Variants in ITPR1 observed in about 807,000 individuals in gnomAD.
ITPR1 encodes inositol 1,4,5-trisphosphate-gated calcium channel ITPR1.
ITPR1 carries 96 observed loss-of-function variants against 318.4 expected under a neutral mutation model. That is an observed-to-expected ratio of 0.30 (90% CI 0.26 to 0.36). The LOEUF is 0.36. Among genes scored for constraint, ITPR1 ranks in the 10% least tolerant of loss-of-function variants. The probability of loss-of-function intolerance (pLI) is 1.00; values close to 1 mark genes in which losing one functional copy is unlikely to be tolerated. For missense variants in ITPR1, 2,440 were observed against 3,460.2 expected, an observed-to-expected ratio of 0.71 and a Z score of 7.40; for synonymous variants, 1,312 against 1,289.9, an observed-to-expected ratio of 1.02 and a Z score of -0.37.
chr3:4,733,146 G>T lies in ITPR1; in HGVS notation c.5279G>T (p.Gly1760Val). The T allele has an allele frequency of 6.2e-7, 1 of 1,613,960 alleles. No homozygotes were observed. Among genetic ancestry groups the T allele is most frequent in the Non-Finnish European group, 8.5e-7 (1 of 1,179,876 alleles). ...NRYYGNVRPS[G>V]RRESLTSFGN... is the part of the protein sequence containing the mutation. ...TACTATGGAAACGTCAGACCTTCGGGACGAAGAGAGAGCCTTACCAGCTTT... is the reference window on the plus strand; with the variant it reads ...TACTATGGAAACGTCAGACCTTCGGTACGAAGAGAGAGCCTTACCAGCTTT... The change falls in exon 43 of 62, where the codon GGA becomes GTA. Residue 1760 changes from glycine (G) to valine (V), a missense_variant. Coordinates refer to ENST00000649015, the MANE Select transcript of ITPR1 (RefSeq NM_001378452.1).
At position 4,846,368 on chromosome 3, in the gene ITPR1, T is replaced by C. The variant is rs2051781543; in HGVS notation, c.*143T>C. On this transcript the variant is annotated 3_prime_UTR_variant, in exon 62 of 62. Transcript: ENST00000649015. ...TCAGTTTTATACTGTATGTATATGA[T>C]TGCTACTCTAAAGGTTTGGATATAT... 2 of 469,852 alleles carry C rather than the reference T, an allele frequency of 4.3e-6. No homozygotes were observed. The highest frequency in any genetic ancestry group is 7.5e-6 in the Non-Finnish European group (2 of 265,644). The allele number at this position is 469,852 out of a possible 1,614,324, so 29.1% of individuals were successfully genotyped here.
chr3:4,597,046 T>C (rs1392916989), intron 4 of ITPR1, among the ~76,000 whole-genome samples: 1 of 152,228 alleles, frequency 6.6e-6, no homozygotes, highest in African/African-American at 2.4e-5. Context: ...GAAAAGGAAC[T>C]ATGTGGCCTG....
At position 4,688,497 on chromosome 3, in the gene ITPR1, C is replaced by T. The variant is rs34635052; in HGVS notation, c.3705C>T (p.Ala1235=). 7.7e-4 allele frequency: 1,243 copies of T among 1,613,818 alleles called. 2 individuals carry two copies. Among genetic ancestry groups the T allele is most frequent in the African/African-American group, 6.3e-3 (476 of 75,010 alleles). Residue 1235 remains alanine, a splice_region_variant and synonymous_variant, in exon 31 of 62, where the codon GCC becomes GCT. Coordinates refer to ENST00000649015, the MANE Select transcript of ITPR1 (RefSeq NM_001378452.1). ...TTCATCTGTCTCCTCCCACACAGGC[C>T]GAAGATACCAAGATGCAAGAGATAA... ...LELLQIPYEK[A]EDTKMQEIMR...
chr3:4,766,269 C>A (rs1181346398), intron 44 of ITPR1, among the ~76,000 whole-genome samples: 1 of 152,164 alleles, frequency 6.6e-6, no homozygotes, highest in Non-Finnish European at 1.5e-5. Context: ...AACAGTCTGC[C>A]CACCACACTC....
chr3:4,626,391 C>T (rs2092829161), intron 4 of ITPR1, among the ~76,000 whole-genome samples: 1 of 152,082 alleles, frequency 6.6e-6, no homozygotes, highest in Non-Finnish European at 1.5e-5. Flanking sequence ...TAATGTTCAT[C>T]ATTAAAAACA....
chr3:4,794,566 G>A (rs973431921), intron 52 of ITPR1, among the ~76,000 whole-genome samples: 24 of 152,236 alleles, frequency 1.6e-4, no homozygotes, highest in African/African-American at 5.8e-4. Flanking sequence ...AGAGAGGAAT[G>A]TGGAAATGAT....
intron 33 of ITPR1, among the ~76,000 whole-genome samples, chr3:4,695,741 T>C (rs1045787805): frequency 2.6e-5 from 4 of 152,268 alleles, no homozygotes; most frequent in African/African-American, 9.6e-5. Flanking sequence ...CCCTGATATG[T>C]AGCTGCGTTC....
intron 55 of ITPR1, among the ~76,000 whole-genome samples, chr3:4,807,270 T>C (rs2048638217): frequency 6.6e-6 from 1 of 152,114 alleles, no homozygotes. Context: ...CCAGCCACGA[T>C]CTAGTTTGAT....
Position 4,610,258 on chromosome 3 carries a change from A to G in ITPR1, c.164-17505A>G, listed in dbSNP as rs560981238. On this transcript the variant is annotated intron_variant, in intron 4 of 61. Transcript: ENST00000649015. ...GGGTTAGTGCTCCTCTGTGCGCCAG[A>G]CACCTTGGAGTTTCCTGTTGGTTCC... Among the ~76,000 whole-genome samples the G allele has an allele frequency of 1.8e-4, 28 of 152,230 alleles. No homozygotes were observed. In the South Asian group the frequency reaches 5.8e-3, roughly 32 times the overall value.
At chr3:4,720,613 G>C (rs907172610) in intron 40 of ITPR1, among the ~76,000 whole-genome samples, 1 of 152,136 alleles carries the variant, frequency 6.6e-6, no homozygotes, top group African/African-American at 2.4e-5. Context: ...TGCCTCCTTG[G>C]AACTGTGGAA....
chr3:4,713,743 G>C (rs1345079860), intron 39 of ITPR1, among the ~76,000 whole-genome samples: 1 of 152,186 alleles, frequency 6.6e-6, no homozygotes, highest in Non-Finnish European at 1.5e-5. Context: ...AGGTTCCTGG[G>C]GTCTAGCTTA....
intron 12 of ITPR1, among the ~76,000 whole-genome samples, chr3:4,656,936 C>A (rs367877312): frequency 6.6e-6 from 1 of 152,232 alleles, no homozygotes; most frequent in African/African-American, 2.4e-5. Flanking sequence ...TGAGCAGACT[C>A]CTTGTCTAAG....
intron 4 of ITPR1, among the ~76,000 whole-genome samples, chr3:4,609,089 T>TATATATACACACACAC (rs1171860541): frequency 1.1e-5 from 1 of 91,950 alleles, no homozygotes; most frequent in Non-Finnish European, 2.3e-5. Flanking sequence ...TATATATATA[T>TATATATACACACACAC]ACACACACAC....
chr3:4,833,860 C>T (rs1439570482), intron 60 of ITPR1, among the ~76,000 whole-genome samples: 1 of 152,182 alleles, frequency 6.6e-6, no homozygotes, highest in Non-Finnish European at 1.5e-5. Flanking sequence ...CTCTCTACCG[C>T]TCCTAGATAC....
rs1311502444 is a variant in ITPR1 at position 4,811,372 on chromosome 3, T to C, written c.7380T>C (p.Val2460=). The C allele has an allele frequency of 3.7e-6, 6 of 1,613,916 alleles. No homozygotes were observed. Residue 2460 remains valine, a synonymous_variant, in exon 56 of 62, where the codon GTT becomes GTC. Coordinates refer to ENST00000649015, the MANE Select transcript of ITPR1 (RefSeq NM_001378452.1). ...ILTAVLALIL[V]YLFSIVGYLF... ...CAGCAGTTCTGGCTCTGATCCTCGT[T>C]TACCTGTTCTCAATAGTGGGCTATC...
At chr3:4,502,802 C>T (rs62231441) in intron 2 of ITPR1, among the ~76,000 whole-genome samples, 1 of 152,026 alleles carries the variant, frequency 6.6e-6, no homozygotes, top group African/African-American at 2.4e-5. Context: ...AGCCTTACAG[C>T]CAGGCATCGT....
chr3:4,634,307 G>A (rs1451157656), intron 5 of ITPR1, among the ~76,000 whole-genome samples: 1 of 151,888 alleles, frequency 6.6e-6, no homozygotes, highest in African/African-American at 2.4e-5. Flanking sequence ...TCAGCCTCCT[G>A]AGCTTAAGTG....
rs562644912 is a variant in ITPR1, at chr3:4,626,267, C to T, written c.164-1496C>T. 1.9e-4 allele frequency among the ~76,000 whole-genome samples: 29 copies of T among 151,628 alleles called. 1 individual carries two copies. In the South Asian group the frequency reaches 6.0e-3, roughly 32 times the overall value. ...GTAACACATTGTAGGCAATATAAAA[C>T]AAGTGGAAAGTAGAAGGTAATAACT... On this transcript the variant is annotated intron_variant, in intron 4 of 61. Transcript: ENST00000649015.
chr3:4,746,223 C>T (rs541886800), intron 44 of ITPR1, among the ~76,000 whole-genome samples: 78 of 152,320 alleles, frequency 5.1e-4, no homozygotes, highest in African/African-American at 1.4e-3. Context: ...CTCTTCCACG[C>T]GGTTGTCAGT....
Sources: allele counts gnomAD v4.1 joint callset (sites outside exome capture counted in the v4.1 genomes callset), GRCh38; gene constraint gnomAD v4.1.1; transcripts MANE v1.5; gene names NCBI Gene and HGNC (gene_info 2026-07-23, HGNC 2026-07-21).